The following CAPN3 variants were observed in gnomAD, a reference collection of about 807,000 sequenced individuals.
The protein encoded by CAPN3 is calpain 3.
A neutral mutation model predicts 114.0 loss-of-function variants in CAPN3; 88 were observed. That is an observed-to-expected ratio of 0.77 (90% CI 0.65 to 0.92). The LOEUF is 0.92. CAPN3 is among the 40% of genes least tolerant of loss of function. CAPN3 has a pLI of 0.00. For missense variants in CAPN3, 1,028 were observed against 1,069.0 expected, an observed-to-expected ratio of 0.96 and a Z score of 0.53; for synonymous variants, 386 against 382.9, an observed-to-expected ratio of 1.01 and a Z score of -0.09.
chr15:42,408,371 G>A, intron 16 of CAPN3, 47 bp downstream of exon 16: 2 of 1,171,062 alleles, frequency 1.7e-6, no homozygotes, highest in East Asian at 2.4e-5. Flanking sequence ...CGCTACAGGG[G>A]CTTCCTATGC....
Position 42,360,059 on chromosome 15 carries a change from C to CCT in CAPN3, c.261_262dup (p.Phe88SerfsTer40). Reference sequence around the variant, plus strand: ...GACCCTGAGTTCCCACCGGATGAGACCTCTCTCTTTTATAGCCAGAAGTTC... The same window carrying CCT: ...GACCCTGAGTTCCCACCGGATGAGACCTCTCTCTCTTTTATAGCCAGAAGTTC... On this transcript the variant is annotated frameshift_variant, in exon 1 of 24. Coordinates refer to ENST00000397163, the MANE Select transcript of CAPN3 (RefSeq NM_000070.3). LOFTEE classifies it high-confidence loss of function. 1 of 1,614,178 alleles carries CCT rather than the reference C, an allele frequency of 6.2e-7. No individual in the cohort carries two copies. The highest frequency in any genetic ancestry group is 8.5e-7 in the Non-Finnish European group (1 of 1,179,988).
In CAPN3 at chr15:42,404,669, G is replaced by A. The variant is rs907652744; in HGVS notation, c.1782+892G>A. The A allele has an allele frequency of 3.5e-5, 42 of 1,187,668 alleles. No homozygotes were observed. In the South Asian group the frequency reaches 4.6e-4, roughly 13 times the overall value. The allele number at this position is 1,187,668 out of a possible 1,614,324, so 73.6% of individuals were successfully genotyped here. A position where few individuals can be genotyped will look rare whatever the true frequency, so the allele number is the denominator to read the frequency against. On this transcript the variant is annotated intron_variant, in intron 14 of 23. Coordinates refer to ENST00000397163, the MANE Select transcript of CAPN3 (RefSeq NM_000070.3). ...TGAGGAGTCTTGTGACTGCCTTGGG[G>A]CTTTGGGCTGTAGTCAGCTGACAGT...
In CAPN3 at chr15:42,407,897, GAAA is replaced by G. The variant is rs367758932; in HGVS notation, c.1801-306_1801-304del. On this transcript the variant is annotated intron_variant, in intron 15 of 23. Coordinates refer to ENST00000397163, the MANE Select transcript of CAPN3 (RefSeq NM_000070.3). ...TTAATTTGAACAGTGTTTCCATCTG[GAAA>G]AAAAAAAGTCTACAAAATACTTGAC... Among the ~76,000 whole-genome samples, 1,415 of 148,682 alleles carry G rather than the reference GAAA, an allele frequency of 9.5e-3. 24 individuals carry two copies. Among genetic ancestry groups the G allele is most frequent in the African/African-American group, 0.033 (1,328 of 40,644 alleles).
At chr15:42,402,438 G>C (rs1463411275) in intron 12 of CAPN3, 1 of 1,431,584 alleles carries the variant, frequency 7.0e-7, no homozygotes, top group African/African-American at 1.4e-5. Flanking sequence ...GACGCGTTCT[G>C]AGGGTGGCTG....
intron 2 of CAPN3, 91 bp from the exon 3 acceptor site, chr15:42,386,076 C>A: frequency 2.2e-6 from 2 of 890,762 alleles, no homozygotes; most frequent in South Asian, 1.3e-5. Context: ...AGTCCCCGTT[C>A]AGGGAAGTGG....
intron 9 of CAPN3, among the ~76,000 whole-genome samples, chr15:42,398,620 CACACACACACACACAT>C (rs1160364278): frequency 6.7e-6 from 1 of 149,396 alleles, no homozygotes; most frequent in East Asian, 1.9e-4. Context: ...CACACACACA[CACACACACACACACAT>C]ATATATACAC....
chr15:42,389,598 G>T (rs561361015), intron 5 of CAPN3, among the ~76,000 whole-genome samples: 1 of 152,178 alleles, frequency 6.6e-6, no homozygotes, highest in Non-Finnish European at 1.5e-5. Flanking sequence ...GGAGATGGCC[G>T]CCCATGGCCA....
At chr15:42,380,870 T>G (rs183665275) in intron 1 of CAPN3, among the ~76,000 whole-genome samples, 1 of 149,278 alleles carries the variant, frequency 6.7e-6, no homozygotes, top group African/African-American at 2.5e-5. Flanking sequence ...GGATTACAGG[T>G]GTGAACCACG....
intron 1 of CAPN3, among the ~76,000 whole-genome samples, chr15:42,370,355 CAAAA>C (rs1234587906): frequency 6.6e-6 from 1 of 151,840 alleles, no homozygotes; most frequent in Admixed American, 6.6e-5. Context: ...GGTTGGCACA[CAAAA>C]AAAAGTTACT....
At chr15:42,394,672 C>T (rs1391638964) in intron 8 of CAPN3, among the ~76,000 whole-genome samples, 2 of 152,096 alleles carry the variant, frequency 1.3e-5, no homozygotes, top group Admixed American at 1.3e-4. Flanking sequence ...TCTTGTGTTG[C>T]CTTTCCTGTG....
chr15:42,401,485 C>CACT (rs531854862), intron 10 of CAPN3, among the ~76,000 whole-genome samples, 156 bp from the exon 11 acceptor site: 1 of 127,036 alleles, frequency 7.9e-6, no homozygotes, highest in African/African-American at 3.1e-5. Flanking sequence ...CCCCCCCCCC[C>CACT]CCAAATCATT....
chr15:42,378,552 T>C (rs1467072119), intron 1 of CAPN3, among the ~76,000 whole-genome samples: 1 of 152,222 alleles, frequency 6.6e-6, no homozygotes, highest in East Asian at 1.9e-4. Context: ...TTGTTTAGCA[T>C]GGCTAAAGGT....
At position 42,411,883 on chromosome 15, in the gene CAPN3, C is replaced by A. The variant is rs1204762580; in HGVS notation, c.*110C>A. 6.3e-7 allele frequency: 1 copy of A among 1,595,384 alleles called. No homozygotes were observed. The highest frequency in any genetic ancestry group is 1.3e-5 in the African/African-American group (1 of 74,616). ...GACCCAGCAGCTACACCCCTACAGG[C>A]TTCCAGGCACCTCATCAGTCATGCT... On this transcript the variant is annotated 3_prime_UTR_variant, in exon 24 of 24. Transcript: ENST00000397163.
In CAPN3 at chr15:42,411,203, G is replaced by T. The variant is rs2054215154; in HGVS notation, c.2381-84G>T. On this transcript the variant is annotated intron_variant, in intron 22 of 23. Transcript: ENST00000397163. ...TTGTGCTGATGAGGGACAGCACTGG[G>T]CACATGGTCCTCTGAGGGGAAGTTA... 4.2e-6 allele frequency: 5 copies of T among 1,185,836 alleles called. No individual in the cohort carries two copies. In the South Asian group the frequency reaches 6.1e-5, roughly 14 times the overall value. 73.5% of individuals were successfully genotyped at this position (1,185,836 alleles called of 1,614,324 possible).
intron 4 of CAPN3, among the ~76,000 whole-genome samples, chr15:42,388,456 T>C (rs916631840): frequency 2.0e-5 from 3 of 152,122 alleles, no homozygotes; most frequent in African/African-American, 7.2e-5. Flanking sequence ...CATGCGGGCA[T>C]CACCATGCCC....
chr15:42,386,920 T>A (rs1047683750), intron 3 of CAPN3, among the ~76,000 whole-genome samples: 4 of 151,816 alleles, frequency 2.6e-5, no homozygotes, highest in African/African-American at 9.7e-5. Context: ...TGCTGGGGAG[T>A]CAGCCTGTCT....
chr15:42,408,243 C>T lies in CAPN3; in HGVS notation c.1833C>T (p.Ser611=). ...TCTTCGTTTCGGACAGAGCAAACAG[C>T]AACAAGGAGCTGGGTGTGGACCAGG... is the stretch of plus-strand genomic sequence containing the variant. The part of the protein sequence containing the change: ...PIIFVSDRAN[S]NKELGVDQES... Residue 611 remains serine, a synonymous_variant, in exon 16 of 24, where the codon AGC becomes AGT. Coordinates refer to ENST00000397163, the MANE Select transcript of CAPN3 (RefSeq NM_000070.3). The T allele has an allele frequency of 6.2e-7, 1 of 1,613,752 alleles. No homozygotes were observed. The highest frequency in any genetic ancestry group is 1.1e-5 in the South Asian group (1 of 91,068).
At chr15:42,367,625 T>A (rs144790397) in intron 1 of CAPN3, among the ~76,000 whole-genome samples, 56 of 152,324 alleles carry the variant, frequency 3.7e-4, no homozygotes, top group African/African-American at 1.2e-3. Flanking sequence ...TTTCCTGATA[T>A]AAAGGTTTTA....
chr15:42,366,536 C>G (rs1267225784), intron 1 of CAPN3, among the ~76,000 whole-genome samples: 1 of 152,146 alleles, frequency 6.6e-6, no homozygotes, highest in East Asian at 1.9e-4. Flanking sequence ...CTTTCTGAAC[C>G]CTTAACATGG....
Sources: allele counts gnomAD v4.1 joint callset (sites outside exome capture counted in the v4.1 genomes callset), GRCh38; gene constraint gnomAD v4.1.1; transcripts MANE v1.5; gene names NCBI Gene and HGNC (gene_info 2026-07-23, HGNC 2026-07-21).